RTN4R: variants seen among roughly 807,000 people sequenced by gnomAD.
RTN4R encodes the protein reticulon 4 receptor.
A neutral mutation model predicts 27.7 loss-of-function variants in RTN4R; 4 were observed. The observed-to-expected ratio is 0.14, with a 90% CI of 0.07 to 0.33. The LOEUF is 0.33. RTN4R is among the 10% of genes least tolerant of loss of function. The probability of loss-of-function intolerance (pLI) is 1.00; values close to 1 mark genes in which losing one functional copy is unlikely to be tolerated. For synonymous variants in RTN4R, 290 were observed against 305.6 expected, an observed-to-expected ratio of 0.95 and a Z score of 0.53; for missense variants, 554 against 671.5, an observed-to-expected ratio of 0.83 and a Z score of 1.93.
Position 20,241,618 on chromosome 22 carries a change from C to A in RTN4R, c.*93G>T. On this transcript the variant is annotated 3_prime_UTR_variant, in exon 2 of 2. Coordinates refer to ENST00000043402, the MANE Select transcript of RTN4R (RefSeq NM_023004.6). The stretch of plus-strand genomic sequence containing the variant: ...GGAGGACCTGGCCTGGCCTGCCCCA[C>A]GGGTCGGCCGCCCGGCTGGCTTGGC... 7.0e-7 allele frequency: 1 copy of A among 1,436,402 alleles called. No individual in the cohort carries two copies. The highest frequency in any genetic ancestry group is 9.5e-7 in the Non-Finnish European group (1 of 1,051,324). The allele number at this position is 1,436,402 out of a possible 1,614,324, so 89.0% of individuals were successfully genotyped here. A position where few individuals can be genotyped will look rare whatever the true frequency, so the allele number is the denominator to read the frequency against.
rs900774067 is a variant in RTN4R at position 20,259,243 on chromosome 22, G to T, written c.22+8828C>A. ...GTGAAGAATGGACTCCATTAGGGCCGCCATCTGTCTCAGCCATGACGGGTC... is the reference window on the plus strand; with the variant it reads ...GTGAAGAATGGACTCCATTAGGGCCTCCATCTGTCTCAGCCATGACGGGTC... On this transcript the variant is annotated intron_variant, in intron 1 of 1. Coordinates refer to ENST00000043402, the MANE Select transcript of RTN4R (RefSeq NM_023004.6). 5.9e-5 allele frequency among the ~76,000 whole-genome samples: 9 copies of T among 152,214 alleles called. No homozygotes were observed. In the East Asian group the frequency reaches 1.7e-3, roughly 29 times the overall value.
In RTN4R at chr22:20,255,924, G is replaced by A. The variant is rs897704851; in HGVS notation, c.22+12147C>T. 6.6e-6 allele frequency among the ~76,000 whole-genome samples: 1 copy of A among 152,264 alleles called. No homozygotes were observed. The highest frequency in any genetic ancestry group is 1.5e-5 in the Non-Finnish European group (1 of 68,052). ...ACAACCAAACCGAGGCACGCACGCA[G>A]CGGCGACGTGAATAAGTAATTGCTC... On this transcript the variant is annotated intron_variant, in intron 1 of 1. Coordinates refer to ENST00000043402, the MANE Select transcript of RTN4R (RefSeq NM_023004.6). This position sits in a 1 kb window ranked among gnomAD's most constrained non-coding sequence, Gnocchi z 4.8.
chr22:20,251,396 G>A (rs1007618446), intron 1 of RTN4R, among the ~76,000 whole-genome samples: 2 of 151,682 alleles, frequency 1.3e-5, no homozygotes, highest in Non-Finnish European at 2.9e-5. Context: ...ACCCTCCACG[G>A]CCTCAGGCCT....
chr22:20,262,046 G>T (rs2051250842), intron 1 of RTN4R, among the ~76,000 whole-genome samples: 1 of 152,240 alleles, frequency 6.6e-6, no homozygotes, highest in African/African-American at 2.4e-5. Context: ...GGGGCCGGCT[G>T]TGGCCACAGG....
At chr22:20,243,267 G>T in intron 1 of RTN4R, 157 bp from the exon 2 acceptor site, 1 of 720,794 alleles carries the variant, frequency 1.4e-6, no homozygotes. Context: ...GCAGTGTTGG[G>T]ATCCCTGCTT....
chr22:20,243,625 CAGGGCTT>C (rs771488565), intron 1 of RTN4R: 70 of 432,088 alleles, frequency 1.6e-4, no homozygotes, highest in Non-Finnish European at 3.2e-4. Flanking sequence ...CAAGTGTGTC[CAGGGCTT>C]AGGAGGAGTC....
intron 1 of RTN4R, among the ~76,000 whole-genome samples, chr22:20,262,908 T>C (rs2051256151): frequency 1.3e-5 from 2 of 152,306 alleles, no homozygotes; most frequent in South Asian, 2.1e-4. Context: ...AAGGTTGTGA[T>C]AGCCGGGGAT....
At position 20,241,575 on chromosome 22, in the gene RTN4R, G is replaced by C; in HGVS notation, c.*136C>G. 1.1e-6 allele frequency: 1 copy of C among 902,398 alleles called. No individual in the cohort carries two copies. Among genetic ancestry groups the C allele is most frequent in the South Asian group, 1.7e-5 (1 of 59,886 alleles). The allele number at this position is 902,398 out of a possible 1,614,324, so 55.9% of individuals were successfully genotyped here. A position where few individuals can be genotyped will look rare whatever the true frequency, so the allele number is the denominator to read the frequency against. Reference sequence around the variant, plus strand: ...GATGGGGTGGAGATGGGGGTGGCGGGCGGCAGGCGTCCATCAGGGAGGACC... The same window carrying C: ...GATGGGGTGGAGATGGGGGTGGCGGCCGGCAGGCGTCCATCAGGGAGGACC... On this transcript the variant is annotated 3_prime_UTR_variant, in exon 2 of 2. Coordinates refer to ENST00000043402, the MANE Select transcript of RTN4R (RefSeq NM_023004.6).
At chr22:20,245,257 A>C (rs1232286362) in intron 1 of RTN4R, among the ~76,000 whole-genome samples, 2 of 152,118 alleles carry the variant, frequency 1.3e-5, no homozygotes, top group Non-Finnish European at 2.9e-5. Flanking sequence ...TGCCGAGACA[A>C]CTGCTTTTCG....
At chr22:20,263,540 T>C (rs3970485) in intron 1 of RTN4R, among the ~76,000 whole-genome samples, 1,800 of 152,340 alleles carry the variant, frequency 0.012, 35 homozygotes, top group African/African-American at 0.041. Context: ...GCCAGGGTGC[T>C]GACTGGAGAG....
intron 1 of RTN4R, among the ~76,000 whole-genome samples, chr22:20,260,193 G>A (rs1299818576): frequency 6.6e-6 from 1 of 152,106 alleles, no homozygotes; most frequent in Non-Finnish European, 1.5e-5. Context: ...GGCCCTAGGG[G>A]GCTCATCTGT....
intron 1 of RTN4R, among the ~76,000 whole-genome samples, chr22:20,264,057 C>T (rs1445009128): frequency 2.0e-5 from 3 of 152,218 alleles, no homozygotes; most frequent in Non-Finnish European, 4.4e-5. Flanking sequence ...TCTGGCCCTG[C>T]TGCCGAGTCC....
rs775435515 is a variant in RTN4R at position 20,255,402 on chromosome 22, GGCA to G, written c.23-12295_23-12293del. On this transcript the variant is annotated intron_variant, in intron 1 of 1. Coordinates refer to ENST00000043402, the MANE Select transcript of RTN4R (RefSeq NM_023004.6). This position sits in a 1 kb window ranked among gnomAD's most constrained non-coding sequence, Gnocchi z 4.8. ...AGAGCACCTGGACATACAGCCCCAGGGCAGCTGGCATCTGGCCAGGGAGGATCC... is the reference window on the plus strand; with the variant it reads ...AGAGCACCTGGACATACAGCCCCAGGGCTGGCATCTGGCCAGGGAGGATCC... 1.6e-4 allele frequency among the ~76,000 whole-genome samples: 25 copies of G among 152,200 alleles called. No homozygotes were observed. The highest frequency in any genetic ancestry group is 1.4e-3 in the Admixed American group (22 of 15,292).
In RTN4R at chr22:20,241,573, G is replaced by A. The variant is rs550374744; in HGVS notation, c.*138C>T. 96 of 875,786 alleles carry A rather than the reference G, an allele frequency of 1.1e-4. No homozygotes were observed. In the East Asian group the frequency reaches 1.9e-3, roughly 17 times the overall value. The allele number at this position is 875,786 out of a possible 1,614,324, so 54.3% of individuals were successfully genotyped here. A position where few individuals can be genotyped will look rare whatever the true frequency, so the allele number is the denominator to read the frequency against. On this transcript the variant is annotated 3_prime_UTR_variant, in exon 2 of 2. Coordinates refer to ENST00000043402, the MANE Select transcript of RTN4R (RefSeq NM_023004.6). ...ATGATGGGGTGGAGATGGGGGTGGC[G>A]GGCGGCAGGCGTCCATCAGGGAGGA...
At chr22:20,258,300 G>T (rs2051223973) in intron 1 of RTN4R, among the ~76,000 whole-genome samples, 1 of 152,154 alleles carries the variant, frequency 6.6e-6, no homozygotes, top group Admixed American at 6.5e-5. Flanking sequence ...ACTTCCTCTG[G>T]GGGGCTCTTC....
At chr22:20,250,423 T>C (rs1037396729) in intron 1 of RTN4R, among the ~76,000 whole-genome samples, 3 of 152,342 alleles carry the variant, frequency 2.0e-5, no homozygotes, top group East Asian at 3.9e-4. Context: ...CACAAACAGT[T>C]TGCCGACCTG....
In RTN4R at chr22:20,242,936, C is replaced by A. The variant is rs759104359; in HGVS notation, c.197G>T (p.Gly66Val). 14 of 1,612,036 alleles carry A rather than the reference C, an allele frequency of 8.7e-6. No homozygotes were observed. Among genetic ancestry groups the A allele is most frequent in the Non-Finnish European group, 1.2e-5 (14 of 1,179,504 alleles). ...AGCTGGCACATGCGAGATGCGGTTGCCGTGCAGGAAGATGCGCTGGCTGGC... is the reference window on the plus strand; with the variant it reads ...AGCTGGCACATGCGAGATGCGGTTGACGTGCAGGAAGATGCGCTGGCTGGC... Reference protein sequence around the residue: ...PAASQRIFLHGNRISHVPAAS... With the variant: ...PAASQRIFLHVNRISHVPAAS... Residue 66 changes from glycine to valine, a missense_variant, in exon 2 of 2, where the codon GGC becomes GTC. Gly to Val is a moderately radical substitution (Grantham distance 109). Around this residue, in one of 2 missense-constraint regions of RTN4R, gnomAD observed 413 missense variants for 542.3 expected, o/e 0.76. Transcript: ENST00000043402.
rs375356002 is a variant in RTN4R at position 20,242,197 on chromosome 22, G to C, written c.936C>G (p.Ala312=). ...AANDLQGCAV[A]TGPYHPIWTG... ...TCCAGATGGGATGGTAAGGGCCGGT[G>C]GCCACAGCGCAGCCCTGCAGGTCAT... The change falls in exon 2 of 2, where the codon GCC becomes GCG. Residue 312 remains alanine (A), a synonymous_variant. Coordinates refer to ENST00000043402, the MANE Select transcript of RTN4R (RefSeq NM_023004.6). The C allele has an allele frequency of 6.2e-7, 1 of 1,609,814 alleles. No individual in the cohort carries two copies. Among genetic ancestry groups the C allele is most frequent in the African/African-American group, 1.3e-5 (1 of 74,892 alleles).
intron 1 of RTN4R, among the ~76,000 whole-genome samples, chr22:20,251,687 T>TCATCAC (rs1436766318): frequency 7.4e-6 from 1 of 134,446 alleles, no homozygotes; most frequent in Non-Finnish European, 1.6e-5. Flanking sequence ...CTCAACACCA[T>TCATCAC]CATCACCATC....
Sources: gnomAD v4.1 joint callset for allele counts (sites outside exome capture counted in the v4.1 genomes callset) on GRCh38, gnomAD v4.1.1 for gene constraint, gnomAD v4.1.1 regional missense constraint, Gnocchi (gnomAD v3.1) non-coding constraint, MANE v1.5 for transcripts, NCBI Gene and HGNC (gene_info 2026-07-23, HGNC 2026-07-21) for gene names.